The following CDH11 variants were observed in gnomAD, a reference collection of about 807,000 sequenced individuals.
CDH11 encodes cadherin-11.
In CDH11, 11 loss-of-function variants were observed where a neutral mutation model predicts 67.8. The ratio of observed to expected loss-of-function variants is 0.16; its 90% CI spans 0.10 to 0.27. The LOEUF is 0.27. Among genes scored for constraint, CDH11 ranks in the 10% least tolerant of loss-of-function variants. The probability of loss-of-function intolerance (pLI) is 1.00; values close to 1 mark genes in which losing one functional copy is unlikely to be tolerated. For synonymous variants in CDH11, 419 were observed against 400.0 expected (o/e 1.05, Z -0.57); for missense variants, 847 against 1,031.2 (o/e 0.82, Z 2.45).
chr16:64,956,572 T>A (rs1215584327), intron 11 of CDH11, among the ~76,000 whole-genome samples: 1 of 152,240 alleles, frequency 6.6e-6, no homozygotes, highest in Non-Finnish European at 1.5e-5. Flanking sequence ...ACCAGTGTTC[T>A]CATCCTTGGC....
intron 12 of CDH11, 128 bp from the exon 13 acceptor site, chr16:64,948,227 T>A (rs2071246687): frequency 8.2e-7 from 1 of 1,223,484 alleles, no homozygotes; most frequent in South Asian, 1.6e-5. Flanking sequence ...GTATAGGAAA[T>A]GAGAGCTTTG....
chr16:65,073,361 C>G (rs2074452697), intron 1 of CDH11, among the ~76,000 whole-genome samples: 1 of 152,216 alleles, frequency 6.6e-6, no homozygotes, highest in Non-Finnish European at 1.5e-5. Flanking sequence ...TCTTGGTTCA[C>G]TACAACCTTT....
At chr16:65,088,190 G>C (rs1483982411) in intron 1 of CDH11, among the ~76,000 whole-genome samples, 3 of 152,140 alleles carry the variant, frequency 2.0e-5, no homozygotes, top group African/African-American at 7.2e-5. Context: ...CCGTCTATTT[G>C]GAACGGGCCC....
rs2071203938 is a variant in CDH11, at chr16:64,946,686, T to C, written c.*917A>G. 4.2e-6 allele frequency: 4 copies of C among 946,788 alleles called. No homozygotes were observed. The highest frequency in any genetic ancestry group is 1.2e-4 in the Admixed American group (2 of 17,216). The allele number at this position is 946,788 out of a possible 1,614,324, so 58.6% of individuals were successfully genotyped here. ...CAGACAGACAACAACAGATCATAAA[T>C]AGGGTTATTAAAAGATCACAATTAA... is the stretch of plus-strand genomic sequence containing the variant. On this transcript the variant is annotated 3_prime_UTR_variant, in exon 13 of 13. Transcript: ENST00000268603.
Position 65,033,239 on chromosome 16 carries a change from C to CACACACACAA in CDH11, c.-173+20564_-173+20565insTTGTGTGTGT, listed in dbSNP as rs1356593074. Among the ~76,000 whole-genome samples, 5 of 134,640 alleles carry CACACACACAA rather than the reference C, an allele frequency of 3.7e-5. No homozygotes were observed. The South Asian group carries it at 1.2e-3, about 34-fold the overall frequency. 88.3% of individuals were successfully genotyped at this position (134,640 alleles called of 152,430 possible). ...ACACCCCACAAGTAAACTAGGAAAA[C>CACACACACAA]ACACACACACACACACACACACACA... On this transcript the variant is annotated intron_variant, in intron 2 of 12. Transcript: ENST00000268603.
At chr16:65,034,462 G>T (rs1445831135) in intron 2 of CDH11, among the ~76,000 whole-genome samples, 1 of 152,116 alleles carries the variant, frequency 6.6e-6, no homozygotes, top group Non-Finnish European at 1.5e-5. Flanking sequence ...CTGTTATCCT[G>T]GCCACAGGCC....
At chr16:64,992,009 A>G in intron 5 of CDH11, 74 bp from the exon 6 acceptor site, 1 of 1,069,498 alleles carries the variant, frequency 9.4e-7, no homozygotes, top group Non-Finnish European at 1.4e-6. Context: ...CTGAGCACTG[A>G]GGAAGCAATG....
chr16:65,026,671 A>C (rs1472064518), intron 2 of CDH11, among the ~76,000 whole-genome samples: 1 of 152,094 alleles, frequency 6.6e-6, no homozygotes, highest in Non-Finnish European at 1.5e-5. Flanking sequence ...TCCACCTCAA[A>C]CACCAGGGGT....
At chr16:64,994,869 A>G (rs1225438165) in intron 4 of CDH11, among the ~76,000 whole-genome samples, 1 of 152,236 alleles carries the variant, frequency 6.6e-6, no homozygotes, top group Non-Finnish European at 1.5e-5. Flanking sequence ...AAGCTTCAGA[A>G]TACAAAATCA....
intron 1 of CDH11, among the ~76,000 whole-genome samples, chr16:65,099,017 C>T (rs1260812421): frequency 6.6e-6 from 1 of 152,126 alleles, no homozygotes; most frequent in Non-Finnish European, 1.5e-5. Flanking sequence ...TTGTAACCGT[C>T]TATTTTCTTA....
intron 1 of CDH11, among the ~76,000 whole-genome samples, chr16:65,111,765 A>G (rs1356122478): frequency 6.6e-6 from 1 of 151,734 alleles, no homozygotes; most frequent in Non-Finnish European, 1.5e-5. Context: ...GCATCCTGGA[A>G]GACAACTTAA....
At chr16:65,105,592 C>T (rs1365233751) in intron 1 of CDH11, among the ~76,000 whole-genome samples, 1 of 152,188 alleles carries the variant, frequency 6.6e-6, no homozygotes, top group Non-Finnish European at 1.5e-5. Context: ...GCATGAATAG[C>T]ATTTTCAATG....
intron 1 of CDH11, among the ~76,000 whole-genome samples, chr16:65,115,707 CAAA>C (rs750108148): frequency 1.7e-5 from 1 of 60,174 alleles, no homozygotes. Flanking sequence ...AAGGCTACAC[CAAA>C]AAAAAAAAAA....
rs752258359 is a variant in CDH11 at position 64,971,605 on chromosome 16, G to A, written c.1616C>T (p.Pro539Leu). Residue 539 changes from proline to leucine, a missense_variant, in exon 11 of 13, where the codon CCA becomes CTA. Physicochemically the swap from Pro to Leu is moderately conservative, Grantham distance 98. Coordinates refer to ENST00000268603, the MANE Select transcript of CDH11 (RefSeq NM_001797.4). ...TCGGTTGTCTCTGACTGTGAAATTT[G>A]GATTGTGAATGATTTCAGGGGGTAG... ...FSLPPEIIHN[P>L]NFTVRDNRDN... The A allele has an allele frequency of 6.2e-7, 1 of 1,612,492 alleles. No individual in the cohort carries two copies. The highest frequency in any genetic ancestry group is 1.1e-5 in the South Asian group (1 of 90,774).
chr16:65,081,710 T>C (rs1357313373), intron 1 of CDH11, among the ~76,000 whole-genome samples: 1 of 152,154 alleles, frequency 6.6e-6, no homozygotes, highest in Non-Finnish European at 1.5e-5. Flanking sequence ...TTTGTTTTTG[T>C]TTTGTTTTAT....
chr16:65,005,850 C>T (rs186462251), intron 2 of CDH11, among the ~76,000 whole-genome samples: 127 of 152,230 alleles, frequency 8.3e-4, no homozygotes, highest in African/African-American at 2.9e-3. Flanking sequence ...ACAGTATATC[C>T]AACCAACCAG....
chr16:65,075,024 G>A (rs189335417), intron 1 of CDH11, among the ~76,000 whole-genome samples: 5 of 152,188 alleles, frequency 3.3e-5, no homozygotes, highest in Non-Finnish European at 2.9e-5. Flanking sequence ...CTAGAACATG[G>A]CACTGTGTCC....
At chr16:65,028,146 C>T (rs988881604) in intron 2 of CDH11, among the ~76,000 whole-genome samples, 1 of 152,168 alleles carries the variant, frequency 6.6e-6, no homozygotes, top group Admixed American at 6.5e-5. Context: ...CCATATCACA[C>T]GTTTATGCCT....
intron 11 of CDH11, among the ~76,000 whole-genome samples, chr16:64,969,936 T>C (rs1311664894): frequency 6.6e-6 from 1 of 152,206 alleles, no homozygotes; most frequent in Non-Finnish European, 1.5e-5. Context: ...TGCAGAATTA[T>C]CTCTTTCAGA....
Sources: gnomAD v4.1 joint callset for allele counts (sites outside exome capture counted in the v4.1 genomes callset) on GRCh38, gnomAD v4.1.1 for gene constraint, MANE v1.5 for transcripts, NCBI Gene and HGNC (gene_info 2026-07-23, HGNC 2026-07-21) for gene names.